CEBPE: variants seen among roughly 807,000 people sequenced by gnomAD.
CEBPE encodes the protein CCAAT/enhancer-binding protein epsilon.
A neutral mutation model predicts 20.4 loss-of-function variants in CEBPE; 10 were observed. The ratio of observed to expected loss-of-function variants is 0.49; its 90% CI spans 0.30 to 0.83. The LOEUF (loss-of-function observed/expected upper bound fraction) is 0.83, where lower values mean the gene tolerates loss of function less well. Among genes scored for constraint, CEBPE ranks in the 40% least tolerant of loss-of-function variants. The pLI is 0.06. For missense variants in CEBPE, 389 were observed against 383.3 expected, an observed-to-expected ratio of 1.01 and a Z score of -0.12; for synonymous variants, 179 against 162.6, an observed-to-expected ratio of 1.10 and a Z score of -0.77.
Position 23,117,738 on chromosome 14 carries a change from C to A in CEBPE, c.595G>T (p.Ala199Ser), listed in dbSNP as rs1210780744. 6.2e-7 allele frequency: 1 copy of A among 1,614,082 alleles called. No individual in the cohort carries two copies. The highest frequency in any genetic ancestry group is 8.5e-7 in the Non-Finnish European group (1 of 1,180,040). ...PAGPLHKGKK[A>S]VNKDSLEYRL... ...TACTCAAGGCTATCTTTGTTCACTGCCTTCTTGCCCTTGTGTAAGGGGCCA... is the reference window on the plus strand; with the variant it reads ...TACTCAAGGCTATCTTTGTTCACTGACTTCTTGCCCTTGTGTAAGGGGCCA... The change falls in exon 2 of 2, where the codon GCA (alanine) becomes TCA (serine). Residue 199 changes from alanine to serine, a missense_variant. Physicochemically the swap from Ala to Ser is moderately conservative, Grantham distance 99. This residue lies in a region of CEBPE where 294 missense variants were observed against 279.7 expected (regional missense o/e 1.05). Transcript: ENST00000206513.
chr14:23,119,154 C>T lies in CEBPE; in HGVS notation c.-63G>A, dbSNP rs1008749752. ...TCTTGAGGCACCCCTTGGGGTGCTC[C>T]GGCTGCCCTCTCTCTACCTCCTCCT... On this transcript the variant is annotated 5_prime_UTR_variant, in exon 1 of 2. Transcript: ENST00000206513. The T allele has an allele frequency of 3.7e-5, 43 of 1,167,614 alleles. No homozygotes were observed. Among genetic ancestry groups the T allele is most frequent in the Admixed American group, 3.2e-4 (16 of 49,610 alleles). 72.3% of individuals were successfully genotyped at this position (1,167,614 alleles called of 1,614,324 possible).
In CEBPE at chr14:23,118,022, G is replaced by A. The variant is rs2144827; in HGVS notation, c.511-200C>T. ...GTGACCCAGATGCACAGGGTCCTCT[G>A]CTTGAGACCAAAACTCCCTTTCATG... On this transcript the variant is annotated intron_variant, in intron 1 of 1. Coordinates refer to ENST00000206513, the MANE Select transcript of CEBPE (RefSeq NM_001805.4). The surrounding 1 kb of genome is among the most constrained non-coding windows in gnomAD (Gnocchi z 5.5). Among the ~76,000 whole-genome samples, 28,696 of 151,896 alleles carry A rather than the reference G, an allele frequency of 0.19. 2,884 individuals are homozygous for A. Among genetic ancestry groups the A allele is most frequent in the East Asian group, 0.39 (1,992 of 5,146 alleles).
rs756790379 is a variant in CEBPE, at chr14:23,119,050, G to A, written c.42C>T (p.Gly14=). The change falls in exon 1 of 2, where the codon GGC becomes GGT. Residue 14 remains glycine (G), a synonymous_variant. Transcript: ENST00000206513. ...GTYYECEPRG[G]QQPLEFSGGR... ...CCCCTGAGAACTCGAGTGGCTGCTG[G>A]CCACCCCGGGGCTCACACTCGTAGT... 16 of 1,610,580 alleles carry A rather than the reference G, an allele frequency of 9.9e-6. No homozygotes were observed. Among genetic ancestry groups the A allele is most frequent in the Non-Finnish European group, 1.4e-5 (16 of 1,179,396 alleles).
rs541785349 is a variant in CEBPE at position 23,117,311 on chromosome 14, TCA to T, written c.*174_*175del. On this transcript the variant is annotated 3_prime_UTR_variant, in exon 2 of 2. Transcript: ENST00000206513. Reference sequence around the variant, plus strand: ...CACAGCCAACAGTCCCAACACCCAGTCACAGTGCAACTTTATTCAGCCATATA... The same window carrying T: ...CACAGCCAACAGTCCCAACACCCAGTCAGTGCAACTTTATTCAGCCATATA... The T allele has an allele frequency of 5.6e-5, 33 of 587,952 alleles. No individual in the cohort carries two copies. The highest frequency in any genetic ancestry group is 8.5e-5 in the Non-Finnish European group (28 of 327,922). The allele number at this position is 587,952 out of a possible 1,614,324, so 36.4% of individuals were successfully genotyped here. A position where few individuals can be genotyped will look rare whatever the true frequency, so the allele number is the denominator to read the frequency against.
In CEBPE at chr14:23,118,618, A is replaced by T. The variant is rs767074780; in HGVS notation, c.474T>A (p.Thr158=). ...GCAGAGGCTGGCCGGGTGCTGCCAG[A>T]GTTGGGGGCAGGTGCATGGCTGTCT... ...CGQTAMHLPP[T]LAAPGQPLRV... The change falls in exon 1 of 2, where the codon ACT becomes ACA. Residue 158 remains threonine, a synonymous_variant. Transcript: ENST00000206513. This position sits in a 1 kb window ranked among gnomAD's most constrained non-coding sequence, Gnocchi z 5.5. 6.2e-7 allele frequency: 1 copy of T among 1,610,774 alleles called. No individual in the cohort carries two copies. The highest frequency in any genetic ancestry group is 1.1e-5 in the South Asian group (1 of 91,056).
rs909042107 is a variant in CEBPE, at chr14:23,118,441, AAC to A, written c.510+139_510+140del. On this transcript the variant is annotated intron_variant, in intron 1 of 1. Coordinates refer to ENST00000206513, the MANE Select transcript of CEBPE (RefSeq NM_001805.4). This position sits in a 1 kb window ranked among gnomAD's most constrained non-coding sequence, Gnocchi z 5.5. ...GAAAGGGAGGTCATGGTGGGGTGTG[AAC>A]ACAGAGGACTGTGGGTTGGGTCCAT... 2.8e-6 allele frequency: 3 copies of A among 1,054,460 alleles called. No homozygotes were observed. The highest frequency in any genetic ancestry group is 4.0e-6 in the Non-Finnish European group (3 of 747,776). 65.3% of individuals were successfully genotyped at this position (1,054,460 alleles called of 1,614,324 possible). A position where few individuals can be genotyped will look rare whatever the true frequency, so the allele number is the denominator to read the frequency against.
rs539942864 is a variant in CEBPE, at chr14:23,118,478, C to A, written c.510+104G>T. 2.8e-6 allele frequency: 4 copies of A among 1,410,642 alleles called. No individual in the cohort carries two copies. In the South Asian group the frequency reaches 5.5e-5, roughly 19 times the overall value. The allele number at this position is 1,410,642 out of a possible 1,614,324, so 87.4% of individuals were successfully genotyped here. A position where few individuals can be genotyped will look rare whatever the true frequency, so the allele number is the denominator to read the frequency against. On this transcript the variant is annotated intron_variant, in intron 1 of 1. Transcript: ENST00000206513. The surrounding 1 kb of genome is among the most constrained non-coding windows in gnomAD (Gnocchi z 5.5). ...TGTGGGTTGGGTCCATTTCACAGAG[C>A]GACACCAAGCACAGGCTCAGCAGCA...
Position 23,117,637 on chromosome 14 carries a change from C to A in CEBPE, c.696G>T (p.Thr232=). ...CCATGTACTCCAGCACCTTCTGCTG[C>A]GTCTCCAGAATGCGCCTCTTGGCCT... ...RDKAKRRILE[T]QQKVLEYMAE... The change falls in exon 2 of 2, where the codon ACG becomes ACT. Residue 232 remains threonine (T), a synonymous_variant. Transcript: ENST00000206513. 1 of 1,614,202 alleles carries A rather than the reference C, an allele frequency of 6.2e-7. No homozygotes were observed. The highest frequency in any genetic ancestry group is 8.5e-7 in the Non-Finnish European group (1 of 1,180,052).
rs1403073073 is a variant in CEBPE at position 23,118,781 on chromosome 14, G to A, written c.311C>T (p.Pro104Leu). 6.2e-7 allele frequency: 1 copy of A among 1,612,740 alleles called. No individual in the cohort carries two copies. The highest frequency in any genetic ancestry group is 2.2e-5 in the East Asian group (1 of 44,836). Residue 104 changes from proline to leucine, a missense_variant, in exon 1 of 2, where the codon CCT (proline) becomes CTT (leucine). Pro to Leu is a moderately conservative substitution (Grantham distance 98). Coordinates refer to ENST00000206513, the MANE Select transcript of CEBPE (RefSeq NM_001805.4). This position sits in a 1 kb window ranked among gnomAD's most constrained non-coding sequence, Gnocchi z 5.5. ...TFGPDRKALGPGIYSSPGSYD... is the reference protein window; with the variant it reads ...TFGPDRKALGLGIYSSPGSYD... ...GCTCCCTGGGCTGCTGTAGATGCCA[G>A]GCCCCAGCGCCTTCCTGTCTGGGCC...
At chr14:23,117,846 C>G (rs45496295) in intron 1 of CEBPE, 24 bp from the exon 2 acceptor site, 5 of 1,572,004 alleles carry the variant, frequency 3.2e-6, no homozygotes, top group African/African-American at 2.7e-5. Flanking sequence ...CACGGAGAGA[C>G]GGAGAGGTGA....
chr14:23,118,595 A>G lies in CEBPE; in HGVS notation c.497T>C (p.Leu166Pro), dbSNP rs1218608695. 3 of 1,609,292 alleles carry G rather than the reference A, an allele frequency of 1.9e-6. No individual in the cohort carries two copies. The highest frequency in any genetic ancestry group is 3.3e-5 in the Admixed American group (2 of 59,928). Residue 166 changes from leucine to proline, a missense_variant, in exon 1 of 2, where the codon CTG (leucine) becomes CCG (proline). Coordinates refer to ENST00000206513, the MANE Select transcript of CEBPE (RefSeq NM_001805.4). This position sits in a 1 kb window ranked among gnomAD's most constrained non-coding sequence, Gnocchi z 5.5. ...PPTLAAPGQP[L>P]RVLKAPLATA... ...GCCTGCTCTTACCTTGAGAACGCGC[A>G]GAGGCTGGCCGGGTGCTGCCAGAGT...
In CEBPE at chr14:23,118,499, C is replaced by T; in HGVS notation, c.510+83G>A. ...AGAGCGACACCAAGCACAGGCTCAG[C>T]AGCATGAGCCGGGGCACAGGGTCCT... On this transcript the variant is annotated intron_variant, in intron 1 of 1. Coordinates refer to ENST00000206513, the MANE Select transcript of CEBPE (RefSeq NM_001805.4). This position sits in a 1 kb window ranked among gnomAD's most constrained non-coding sequence, Gnocchi z 5.5. 2.0e-6 allele frequency: 3 copies of T among 1,477,810 alleles called. No individual in the cohort carries two copies. Among genetic ancestry groups the T allele is most frequent in the South Asian group, 2.5e-5 (2 of 78,868 alleles). 91.5% of individuals were successfully genotyped at this position (1,477,810 alleles called of 1,614,324 possible).
chr14:23,119,160 C>T lies in CEBPE; in HGVS notation c.-69G>A, dbSNP rs1018386254. On this transcript the variant is annotated 5_prime_UTR_variant, in exon 1 of 2. Transcript: ENST00000206513. The stretch of plus-strand genomic sequence containing the variant: ...GGCACCCCTTGGGGTGCTCCGGCTG[C>T]CCTCTCTCTACCTCCTCCTGACCTG... The T allele has an allele frequency of 5.4e-6, 6 of 1,103,978 alleles. No individual in the cohort carries two copies. Among genetic ancestry groups the T allele is most frequent in the Non-Finnish European group, 7.9e-6 (6 of 762,056 alleles). The allele number at this position is 1,103,978 out of a possible 1,614,324, so 68.4% of individuals were successfully genotyped here. A position where few individuals can be genotyped will look rare whatever the true frequency, so the allele number is the denominator to read the frequency against.
rs1163559629 is a variant in CEBPE, at chr14:23,119,178, C to T, written c.-87G>A. 2.9e-5 allele frequency: 26 copies of T among 890,704 alleles called. No homozygotes were observed. In the Admixed American group the frequency reaches 5.3e-4, roughly 18 times the overall value. The allele number at this position is 890,704 out of a possible 1,614,324, so 55.2% of individuals were successfully genotyped here. ...CCGGCTGCCCTCTCTCTACCTCCTC[C>T]TGACCTGGGCCTGCCCTCTCTCGAT... On this transcript the variant is annotated 5_prime_UTR_variant, in exon 1 of 2. Transcript: ENST00000206513.
Position 23,119,106 on chromosome 14 carries a change from C to G in CEBPE, c.-15G>C. 1 of 1,563,200 alleles carries G rather than the reference C, an allele frequency of 6.4e-7. No homozygotes were observed. Among genetic ancestry groups the G allele is most frequent in the Non-Finnish European group, 8.7e-7 (1 of 1,155,048 alleles). On this transcript the variant is annotated 5_prime_UTR_variant, in exon 1 of 2. Coordinates refer to ENST00000206513, the MANE Select transcript of CEBPE (RefSeq NM_001805.4). ...CCGTGGGACATGGCCGGCCCGCCCC[C>G]TCGGCTCCCCGCCCCCACCTGCTCT...
chr14:23,117,875 A>G, intron 1 of CEBPE, 53 bp from the exon 2 acceptor site: 2 of 1,455,938 alleles, frequency 1.4e-6, no homozygotes, highest in Non-Finnish European at 1.9e-6. Flanking sequence ...CAGGAGGCAG[A>G]GCGGAGGCGG....
rs1221729530 is a variant in CEBPE at position 23,117,641 on chromosome 14, T to A, written c.692A>T (p.Glu231Val). ...SRDKAKRRILETQQKVLEYMA... is the reference protein window; with the variant it reads ...SRDKAKRRILVTQQKVLEYMA... ...GTACTCCAGCACCTTCTGCTGCGTC[T>A]CCAGAATGCGCCTCTTGGCCTTGTC... Residue 231 changes from glutamate to valine, a missense_variant, in exon 2 of 2, where the codon GAG becomes GTG. Coordinates refer to ENST00000206513, the MANE Select transcript of CEBPE (RefSeq NM_001805.4). 1.2e-6 allele frequency: 2 copies of A among 1,614,214 alleles called. No individual in the cohort carries two copies. The highest frequency in any genetic ancestry group is 3.3e-5 in the Admixed American group (2 of 60,034).
Position 23,117,493 on chromosome 14 carries a change from G to T in CEBPE, c.840C>A (p.Cys280Ter). 1 of 1,611,406 alleles carries T rather than the reference G, an allele frequency of 6.2e-7. No homozygotes were observed. The highest frequency in any genetic ancestry group is 2.2e-5 in the East Asian group (1 of 44,736). Residue 280 changes from cysteine to a stop codon, truncating the protein, a stop_gained, in exon 2 of 2, where the codon TGC becomes TGA. Coordinates refer to ENST00000206513, the MANE Select transcript of CEBPE (RefSeq NM_001805.4). LOFTEE classifies it high-confidence loss of function. Reference sequence around the variant, plus strand: ...CACAATCCACCAGCCAGCCTCAGCTGCAACCCCCCACGCCCTTGATGAGGT... The same window carrying T: ...CACAATCCACCAGCCAGCCTCAGCTTCAACCCCCCACGCCCTTGATGAGGT... ...AANLIKGVGG[C>*]S
chr14:23,117,913 C>T (rs770176922), intron 1 of CEBPE, 91 bp from the exon 2 acceptor site: 7 of 936,488 alleles, frequency 7.5e-6, no homozygotes, highest in Non-Finnish European at 1.1e-5. Flanking sequence ...CCAGGGCACA[C>T]TTGATGCGTC....
Sources: allele counts gnomAD v4.1 joint callset (sites outside exome capture counted in the v4.1 genomes callset), GRCh38; gene constraint gnomAD v4.1.1; regional missense constraint gnomAD v4.1.1; non-coding constraint Gnocchi (gnomAD v3.1); transcripts MANE v1.5; gene names NCBI Gene and HGNC (gene_info 2026-07-23, HGNC 2026-07-21).